Variants in OGA observed in about 807,000 individuals in gnomAD.
OGA encodes O-GlcNAcase.
Under a neutral mutation model 102.0 loss-of-function variants are expected in OGA, and 21 were observed. The ratio of observed to expected loss-of-function variants is 0.21; its 90% confidence interval spans 0.15 to 0.30. The LOEUF (loss-of-function observed/expected upper bound fraction) is 0.30. Among genes scored for constraint, OGA ranks in the 10% least tolerant of loss-of-function variants. OGA has a pLI of 1.00. For synonymous variants in OGA, 408 were observed against 378.2 expected, an observed-to-expected ratio of 1.08 and a Z score of -0.91; for missense variants, 765 against 1,107.8, an observed-to-expected ratio of 0.69 and a Z score of 4.39.
chr10:101,791,409 A>G lies in OGA; in HGVS notation c.2206T>C (p.Tyr736His), dbSNP rs1388931366. 1 of 1,614,076 alleles carries G rather than the reference A, an allele frequency of 6.2e-7. No individual in the cohort carries two copies. The highest frequency in any genetic ancestry group is 2.2e-5 in the East Asian group (1 of 44,880). The change falls in exon 13 of 16, where the codon TAT (tyrosine) becomes CAT (histidine). Residue 736 changes from tyrosine (Y) to histidine (H), a missense_variant. Tyr to His is a moderately conservative substitution (Grantham distance 83). This residue lies in a region of OGA where 146 missense variants were observed against 269.7 expected (regional missense o/e 0.54). Transcript: ENST00000361464. The stretch of plus-strand genomic sequence containing the variant: ...AAGGGTAAACCCACTCCATCGTCAT[A>G]CATTTCTCTGCAAATCTTGTACACG... ...ASVYKICREMYDDGVGLPFQS... is the reference protein window; with the variant it reads ...ASVYKICREMHDDGVGLPFQS...
At chr10:101,805,955 A>T in intron 6 of OGA, 90 bp downstream of exon 6, 2 of 645,856 alleles carry the variant, frequency 3.1e-6, no homozygotes, top group Non-Finnish European at 5.1e-6. Context: ...ACTCCGTCTC[A>T]AAAAAAAAAG....
intron 5 of OGA, 56 bp from the exon 6 acceptor site, chr10:101,806,199 CTTTG>C (rs1037211553): frequency 1.2e-4 from 135 of 1,135,010 alleles, no homozygotes; most frequent in African/African-American, 2.9e-4. Flanking sequence ...TGGGTTTTCT[CTTTG>C]TTTGTTTGTT....
At chr10:101,798,694 A>T (rs527496461) in intron 9 of OGA, 148 bp downstream of exon 9, 6 of 1,037,198 alleles carry the variant, frequency 5.8e-6, no homozygotes, top group Non-Finnish European at 8.2e-6. Context: ...GACTACAGGC[A>T]TGAGCCATCA....
At chr10:101,813,179 G>A (rs760836513) in intron 2 of OGA, 52 bp from the exon 3 acceptor site, 1 of 1,163,036 alleles carries the variant, frequency 8.6e-7, no homozygotes, top group Admixed American at 2.0e-5. Flanking sequence ...TTCATAGGCT[G>A]TCAATCTCCA....
At chr10:101,793,607 C>G (rs984860996) in intron 11 of OGA, 1 of 187,770 alleles carries the variant, frequency 5.3e-6, no homozygotes, top group African/African-American at 2.4e-5. Flanking sequence ...CACTGGCAGA[C>G]AAGCATGCGC....
intron 4 of OGA, among the ~76,000 whole-genome samples, chr10:101,808,969 C>CA (rs879596374): frequency 1.1e-3 from 154 of 139,714 alleles, no homozygotes; most frequent in South Asian, 2.9e-3. Context: ...GACTCAGTTT[C>CA]AAAAAAAAAA....
rs768930333 is a variant in OGA, at chr10:101,818,003, T to A, written c.20A>T (p.Gln7Leu). 1.2e-6 allele frequency: 2 copies of A among 1,602,838 alleles called. No homozygotes were observed. The highest frequency in any genetic ancestry group is 1.7e-6 in the Non-Finnish European group (2 of 1,172,334). Reference sequence around the variant, plus strand: ...GCTCTCCCGCTCCTCCAACGTCGCTTGACTCTCCTTCTGCACCATCCTCCT... The same window carrying A: ...GCTCTCCCGCTCCTCCAACGTCGCTAGACTCTCCTTCTGCACCATCCTCCT... The part of the protein sequence containing the change: MVQKES[Q>L]ATLEERESEL... Residue 7 changes from glutamine to leucine, a missense_variant, in exon 1 of 16, where the codon CAA (glutamine) becomes CTA (leucine). Physicochemically the swap from Gln to Leu is moderately radical, Grantham distance 113 (BLOSUM62 -2). Around this residue, in one of 7 missense-constraint regions of OGA, gnomAD observed 117 missense variants for 85.7 expected, o/e 1.36. Coordinates refer to ENST00000361464, the MANE Select transcript of OGA (RefSeq NM_012215.5).
chr10:101,786,306 G>T lies in OGA; in HGVS notation c.*145C>A. 1.3e-6 allele frequency: 1 copy of T among 749,422 alleles called. No homozygotes were observed. The highest frequency in any genetic ancestry group is 2.0e-6 in the Non-Finnish European group (1 of 507,442). 46.4% of individuals were successfully genotyped at this position (749,422 alleles called of 1,614,324 possible). A position where few individuals can be genotyped will look rare whatever the true frequency, so the allele number is the denominator to read the frequency against. On this transcript the variant is annotated 3_prime_UTR_variant, in exon 16 of 16. Transcript: ENST00000361464. ...CCAGTGAGTAGTCTCAAAGTGTGATGGGTGAGTTTTACATAGTCTTCTTTG... is the reference window on the plus strand; with the variant it reads ...CCAGTGAGTAGTCTCAAAGTGTGATTGGTGAGTTTTACATAGTCTTCTTTG...
At chr10:101,814,676 T>C (rs1471671783) in intron 1 of OGA, among the ~76,000 whole-genome samples, 2 of 152,202 alleles carry the variant, frequency 1.3e-5, no homozygotes, top group African/African-American at 4.8e-5. Flanking sequence ...ACAGCCTAAC[T>C]GGCCCAAACA....
chr10:101,815,963 GAAAAAA>G (rs1364147466), intron 1 of OGA, among the ~76,000 whole-genome samples: 1 of 44,984 alleles, frequency 2.2e-5, no homozygotes, highest in Non-Finnish European at 4.6e-5. Context: ...CAAAAAGAGA[GAAAAAA>G]AAAAAAAAAA....
chr10:101,805,553 G>A (rs1290745278), intron 6 of OGA, among the ~76,000 whole-genome samples: 1 of 151,610 alleles, frequency 6.6e-6, no homozygotes, highest in Admixed American at 6.6e-5. Context: ...TACTTGGGAG[G>A]CTGAGTCAGG....
chr10:101,791,531 C>T (rs1466685226), intron 12 of OGA, 92 bp from the exon 13 acceptor site: 6 of 901,854 alleles, frequency 6.7e-6, no homozygotes, highest in Non-Finnish European at 1.1e-5. Flanking sequence ...GAGGGAGTAA[C>T]AAAATGGCCT....
rs560842116 is a variant in OGA at position 101,794,754 on chromosome 10, A to G, written c.1985-756T>C. On this transcript the variant is annotated intron_variant, in intron 10 of 15. Transcript: ENST00000361464. ...ATACACATGGAATACAGAAGTCTCT[A>G]TTTAAGGTCACCAGTTAACTAACTT... 2.0e-5 allele frequency among the ~76,000 whole-genome samples: 3 copies of G among 152,360 alleles called. No homozygotes were observed. The East Asian group carries it at 5.8e-4, about 29-fold the overall frequency.
chr10:101,808,135 G>C (rs779361994), intron 4 of OGA, among the ~76,000 whole-genome samples: 2 of 152,104 alleles, frequency 1.3e-5, no homozygotes, highest in Non-Finnish European at 2.9e-5. Context: ...AAATGCTTGG[G>C]ACCAAAAATG....
At chr10:101,806,346 G>C (rs1385993634) in intron 5 of OGA, among the ~76,000 whole-genome samples, 1 of 152,170 alleles carries the variant, frequency 6.6e-6, no homozygotes, top group Non-Finnish European at 1.5e-5. Context: ...GGGACTACAG[G>C]CGCACGCCGC....
chr10:101,811,132 G>A (rs2065549147), intron 3 of OGA, among the ~76,000 whole-genome samples: 1 of 152,124 alleles, frequency 6.6e-6, no homozygotes, highest in Admixed American at 6.6e-5. Context: ...GCTCATGCCT[G>A]TAACCCCAGG....
chr10:101,813,466 T>G, intron 2 of OGA, 89 bp downstream of exon 2: 1 of 828,138 alleles, frequency 1.2e-6, no homozygotes, highest in Non-Finnish European at 1.9e-6. Flanking sequence ...AAAATGCACC[T>G]GGGCTATTCA....
rs1247674919 is a variant in OGA, at chr10:101,800,319, A to T, written c.1118T>A (p.Leu373His). The T allele has an allele frequency of 1.2e-6, 2 of 1,613,502 alleles. No individual in the cohort carries two copies. The highest frequency in any genetic ancestry group is 1.7e-6 in the Non-Finnish European group (2 of 1,179,362). Reference protein sequence around the residue: ...GSDEDIETDVLYSPQMALKLA... With the variant: ...GSDEDIETDVHYSPQMALKLA... ...CTTTAGAGCCATCTGTGGACTATAG[A>T]GTACATCAGTTTCAATATCTTCATC... is the stretch of plus-strand genomic sequence containing the variant. The change falls in exon 8 of 16, where the codon CTC becomes CAC. Residue 373 changes from leucine (L) to histidine (H), a missense_variant. Transcript: ENST00000361464.
chr10:101,817,614 C>A (rs894384759), intron 1 of OGA, among the ~76,000 whole-genome samples: 1 of 152,122 alleles, frequency 6.6e-6, no homozygotes, highest in Non-Finnish European at 1.5e-5. Flanking sequence ...TGGGGTCAGA[C>A]TTGTGAGTGG....
Sources: allele counts gnomAD v4.1 joint callset (sites outside exome capture counted in the v4.1 genomes callset), GRCh38; gene constraint gnomAD v4.1.1; regional missense constraint gnomAD v4.1.1; transcripts MANE v1.5; gene names NCBI Gene and HGNC (gene_info 2026-07-23, HGNC 2026-07-21).